The following CORIN variants were observed in gnomAD, a reference collection of about 807,000 sequenced individuals.
The protein encoded by CORIN is corin, serine peptidase.
Under a neutral mutation model 125.3 loss-of-function variants are expected in CORIN, and 117 were observed. The observed-to-expected ratio is 0.93, with a 90% confidence interval of 0.80 to 1.09. The LOEUF (loss-of-function observed/expected upper bound fraction) is 1.09, where lower values mean the gene tolerates loss of function less well. CORIN is among the 50% of genes least tolerant of loss of function. The probability of loss-of-function intolerance (pLI) is 0.00; values close to 1 mark genes in which losing one functional copy is unlikely to be tolerated. For synonymous variants in CORIN, 450 were observed against 466.4 expected (o/e 0.96, Z 0.45); for missense variants, 1,253 against 1,306.7 (o/e 0.96, Z 0.63).
chr4:47,805,075 G>C (rs1731717396), intron 2 of CORIN, among the ~76,000 whole-genome samples: 1 of 148,290 alleles, frequency 6.7e-6, no homozygotes, highest in Admixed American at 6.7e-5. Context: ...GGCAGAGCTT[G>C]CAGTGAGCCG....
chr4:47,635,549 T>G lies in CORIN; in HGVS notation c.2198+6371A>C, dbSNP rs73813705. On this transcript the variant is annotated intron_variant, in intron 16 of 21. Transcript: ENST00000273857. ...GCTTGAAATGTTTTAACATCAATAT[T>G]AAGGTCAATGTGTCTAAAGTTTAGT... is the stretch of plus-strand genomic sequence containing the variant. 1.1e-3 allele frequency among the ~76,000 whole-genome samples: 167 copies of G among 152,254 alleles called. 1 individual carries two copies. The highest frequency in any genetic ancestry group is 3.9e-3 in the African/African-American group (162 of 41,546).
At chr4:47,661,939 A>T (rs1378834084) in intron 11 of CORIN, 83 bp from the exon 12 acceptor site, 1 of 1,346,398 alleles carries the variant, frequency 7.4e-7, no homozygotes, top group African/African-American at 1.5e-5. Context: ...TCAAGTTTTA[A>T]TTCTGTGTAT....
intron 16 of CORIN, among the ~76,000 whole-genome samples, chr4:47,632,725 T>TGATAGATAAATAGATGATA (rs1553905860): frequency 3.9e-5 from 5 of 126,762 alleles, no homozygotes; most frequent in African/African-American, 1.3e-4. Flanking sequence ...TGACAATAGA[T>TGATAGATAAATAGATGATA]GATAGATAGA....
At chr4:47,630,826 T>C (rs545026934) in intron 16 of CORIN, among the ~76,000 whole-genome samples, 1 of 152,304 alleles carries the variant, frequency 6.6e-6, no homozygotes, top group South Asian at 2.1e-4. Flanking sequence ...GTTGGCCTCA[T>C]CCCCAGATTT....
At position 47,763,362 on chromosome 4, in the gene CORIN, T is replaced by C. The variant is rs375789910; in HGVS notation, c.617+17A>G. 1.5e-4 allele frequency: 234 copies of C among 1,600,600 alleles called. 3 individuals carry two copies. The South Asian group carries it at 2.5e-3, about 17-fold the overall frequency. The stretch of plus-strand genomic sequence containing the variant: ...ATAACCAACTCTTATCACTGAATAA[T>C]CTGGGTTCCGAAATACCTGTCATCG... On this transcript the variant is annotated intron_variant, in intron 4 of 21. Coordinates refer to ENST00000273857, the MANE Select transcript of CORIN (RefSeq NM_006587.4).
At chr4:47,715,574 G>A (rs1727050581) in intron 5 of CORIN, among the ~76,000 whole-genome samples, 1 of 152,068 alleles carries the variant, frequency 6.6e-6, no homozygotes, top group African/African-American at 2.4e-5. Flanking sequence ...ACTCCATCCT[G>A]GGTGAAAGAG....
chr4:47,601,069 C>A (rs1721430885), intron 20 of CORIN, among the ~76,000 whole-genome samples: 2 of 152,168 alleles, frequency 1.3e-5, no homozygotes, highest in Admixed American at 6.5e-5. Context: ...TGGTGAAGCA[C>A]TACTGGGTAC....
At chr4:47,722,024 AT>A (rs923132639) in intron 5 of CORIN, among the ~76,000 whole-genome samples, 4 of 152,242 alleles carry the variant, frequency 2.6e-5, no homozygotes, top group Non-Finnish European at 4.4e-5. Context: ...ACATTTAGCT[AT>A]TCCGTCTTCA....
At chr4:47,628,176 C>T (rs962895810) in intron 16 of CORIN, among the ~76,000 whole-genome samples, 1 of 152,150 alleles carries the variant, frequency 6.6e-6, no homozygotes, top group African/African-American at 2.4e-5. Context: ...CAAACATAAA[C>T]TTTCAGCACC....
intron 2 of CORIN, among the ~76,000 whole-genome samples, chr4:47,789,338 C>A (rs111352131): frequency 0.012 from 1,845 of 152,072 alleles, 50 homozygotes; most frequent in African/African-American, 0.042. Flanking sequence ...AAAATAAAGT[C>A]TTCATAACAT....
At chr4:47,802,196 C>T (rs1731572652) in intron 2 of CORIN, among the ~76,000 whole-genome samples, 1 of 152,112 alleles carries the variant, frequency 6.6e-6, no homozygotes. Flanking sequence ...GCTGTGGTGG[C>T]TATGGTGAAA....
chr4:47,652,125 GA>G (rs1044222449), intron 13 of CORIN, among the ~76,000 whole-genome samples: 1 of 152,114 alleles, frequency 6.6e-6, no homozygotes, highest in African/African-American at 2.4e-5. Flanking sequence ...TATATTCAAT[GA>G]ATTTTGATTT....
intron 4 of CORIN, among the ~76,000 whole-genome samples, chr4:47,748,426 G>A (rs1728760073): frequency 6.6e-6 from 1 of 152,164 alleles, no homozygotes; most frequent in Admixed American, 6.5e-5. Context: ...TGCATTTGGT[G>A]TTGTGCAAAA....
rs923195547 is a variant in CORIN at position 47,706,695 on chromosome 4, G to A, written c.800-13612C>T. 3.6e-5 allele frequency: 58 copies of A among 1,607,820 alleles called. No homozygotes were observed. The African/African-American group carries it at 6.3e-4, about 17-fold the overall frequency. ...TCCGTTGCGGAGGAGCGAGCTGGAC[G>A]CCACTGTGGGGCTCTGGGAGTCCTG... On this transcript the variant is annotated intron_variant, in intron 5 of 21. Transcript: ENST00000273857.
chr4:47,725,077 G>A (rs1040336007), intron 5 of CORIN, among the ~76,000 whole-genome samples: 6 of 152,070 alleles, frequency 3.9e-5, no homozygotes, highest in Admixed American at 1.3e-4. Context: ...AACAAAATAC[G>A]TGCAAGACCT....
At chr4:47,640,110 T>C (rs6447574) in intron 16 of CORIN, among the ~76,000 whole-genome samples, 21,033 of 152,170 alleles carry the variant, frequency 0.14, 1,952 homozygotes, top group East Asian at 0.47. Flanking sequence ...AGTATCTGCA[T>C]GTCTATTTGA....
intron 4 of CORIN, among the ~76,000 whole-genome samples, chr4:47,757,177 T>A (rs1485237787): frequency 2.0e-5 from 3 of 151,916 alleles, no homozygotes; most frequent in Non-Finnish European, 2.9e-5. Context: ...AATTTTTTTT[T>A]ATAATACATT....
chr4:47,824,910 CGT>C (rs1732675860), intron 1 of CORIN, among the ~76,000 whole-genome samples: 1 of 152,174 alleles, frequency 6.6e-6, no homozygotes, highest in South Asian at 2.1e-4. Context: ...GCTTACCCAA[CGT>C]GGGCAGCTGA....
In CORIN at chr4:47,738,339, G is replaced by C. The variant is rs533228797; in HGVS notation, c.799+6063C>G. On this transcript the variant is annotated intron_variant, in intron 5 of 21. Coordinates refer to ENST00000273857, the MANE Select transcript of CORIN (RefSeq NM_006587.4). ...CTGCTATAGTGTCGACTCTGCTACA[G>C]TACTGACTATGCACCCTAACATGCA... 3.9e-5 allele frequency among the ~76,000 whole-genome samples: 6 copies of C among 152,288 alleles called. No individual in the cohort carries two copies. In the East Asian group the frequency reaches 1.2e-3, roughly 29 times the overall value.
Sources: gnomAD v4.1 joint callset for allele counts (sites outside exome capture counted in the v4.1 genomes callset) on GRCh38, gnomAD v4.1.1 for gene constraint, MANE v1.5 for transcripts, NCBI Gene and HGNC (gene_info 2026-07-23, HGNC 2026-07-21) for gene names.